The following NCOA7 variants were observed in gnomAD, a reference collection of about 807,000 sequenced individuals.
The protein encoded by NCOA7 is nuclear receptor coactivator 7.
Under a neutral mutation model 104.3 loss-of-function variants are expected in NCOA7, and 45 were observed. The observed-to-expected ratio is 0.43, with a 90% CI of 0.34 to 0.55. The LOEUF is 0.55. Ranked by LOEUF, NCOA7 falls within the 20% of genes least tolerant of loss-of-function variation. The pLI is 0.02. For missense variants in NCOA7, 1,041 were observed against 1,119.7 expected (o/e 0.93, Z 1.00); for synonymous variants, 398 against 402.3 (o/e 0.99, Z 0.13).
rs184200615 is a variant in NCOA7, at chr6:125,850,028, G to A, written c.51-4992G>A. Reference sequence around the variant, plus strand: ...ATCTTAAGTTAATGATAGCAAATCCGTATTGTGAGACTATCTTAACAAGAT... The same window carrying A: ...ATCTTAAGTTAATGATAGCAAATCCATATTGTGAGACTATCTTAACAAGAT... On this transcript the variant is annotated intron_variant, in intron 2 of 15. Transcript: ENST00000392477. 1.0e-3 allele frequency among the ~76,000 whole-genome samples: 156 copies of A among 152,158 alleles called. 1 individual carries two copies. In the South Asian group the frequency reaches 0.014, roughly 13 times the overall value.
intron 4 of NCOA7, 160 bp downstream of exon 4, chr6:125,875,128 A>G: frequency 3.9e-6 from 2 of 517,996 alleles, no homozygotes; most frequent in East Asian, 6.0e-5. Flanking sequence ...TTTCCTCCAT[A>G]TTTTCTCCCT....
intron 15 of NCOA7, 118 bp downstream of exon 15, chr6:125,928,365 C>A: frequency 3.2e-6 from 3 of 935,184 alleles, no homozygotes; most frequent in Non-Finnish European, 3.3e-6. Flanking sequence ...AGTCCATGTG[C>A]TTAGATGAAT....
intron 11 of NCOA7, among the ~76,000 whole-genome samples, chr6:125,918,030 A>G (rs570451518): frequency 1.3e-5 from 2 of 152,166 alleles, no homozygotes; most frequent in South Asian, 4.1e-4. Context: ...GTTAATTTAC[A>G]TTGTCCAGGT....
At chr6:125,892,665 C>A (rs1456388780) in intron 10 of NCOA7, among the ~76,000 whole-genome samples, 1 of 152,122 alleles carries the variant, frequency 6.6e-6, no homozygotes, top group Non-Finnish European at 1.5e-5. Flanking sequence ...CAGAGTAAGA[C>A]TTTGTCACAA....
Position 125,914,485 on chromosome 6 carries a change from T to A in NCOA7, c.2097-848T>A, listed in dbSNP as rs1786876957. Among the ~76,000 whole-genome samples, 3 of 152,252 alleles carry A rather than the reference T, an allele frequency of 2.0e-5. No individual in the cohort carries two copies. In the South Asian group the frequency reaches 6.2e-4, roughly 31 times the overall value. On this transcript the variant is annotated intron_variant, in intron 10 of 15. Coordinates refer to ENST00000392477, the MANE Select transcript of NCOA7 (RefSeq NM_181782.5). The stretch of plus-strand genomic sequence containing the variant: ...TCTGTTTTTGTTTTAGTCCTATTAA[T>A]ATTATTGCAATTTTATGTAATTATA...
intron 1 of NCOA7, among the ~76,000 whole-genome samples, chr6:125,798,943 C>T (rs1217603996): frequency 5.3e-5 from 8 of 152,122 alleles, no homozygotes; most frequent in Admixed American, 1.3e-4. Flanking sequence ...TCTTCACCCA[C>T]GCATCATCTG....
intron 3 of NCOA7, chr6:125,855,667 A>T (rs1781488788): frequency 6.5e-6 from 1 of 153,216 alleles, no homozygotes; most frequent in African/African-American, 2.4e-5. Flanking sequence ...AAAAACAAAA[A>T]CAAACAAAAA....
Position 125,902,481 on chromosome 6 carries a change from G to GTT in NCOA7, c.2096+11684_2096+11685dup, listed in dbSNP as rs77836389. Among the ~76,000 whole-genome samples, 196 of 144,220 alleles carry GTT rather than the reference G, an allele frequency of 1.4e-3. 3 individuals carry two copies. The highest frequency in any genetic ancestry group is 4.7e-3 in the African/African-American group (188 of 39,658). The allele number at this position is 144,220 out of a possible 152,430, so 94.6% of individuals were successfully genotyped here. A position where few individuals can be genotyped will look rare whatever the true frequency, so the allele number is the denominator to read the frequency against. ...TTTTTAAACTTTAACTCATAGCCAT[G>GTT]TTTTTTTTTTTTTTAAAGTGGGGAT... On this transcript the variant is annotated intron_variant, in intron 10 of 15. Coordinates refer to ENST00000392477, the MANE Select transcript of NCOA7 (RefSeq NM_181782.5).
intron 2 of NCOA7, among the ~76,000 whole-genome samples, chr6:125,832,606 A>G (rs1242341673): frequency 6.6e-6 from 1 of 152,242 alleles, no homozygotes; most frequent in East Asian, 1.9e-4. Context: ...GGTTTTAACT[A>G]GTCCCATTTG....
At position 125,879,651 on chromosome 6, in the gene NCOA7, T is replaced by C. The variant is rs370507685; in HGVS notation, c.459+1281T>C. ...ATAACAATATTGATCAGTAATCAGT[T>C]GTTATATGATTAGCTCTGAATTCTG... On this transcript the variant is annotated intron_variant, in intron 5 of 15. Coordinates refer to ENST00000392477, the MANE Select transcript of NCOA7 (RefSeq NM_181782.5). Among the ~76,000 whole-genome samples the C allele has an allele frequency of 3.2e-4, 49 of 152,302 alleles. No homozygotes were observed. In the East Asian group the frequency reaches 4.8e-3, roughly 15 times the overall value.
chr6:125,861,082 A>G (rs1236383221), intron 3 of NCOA7, among the ~76,000 whole-genome samples: 1 of 152,230 alleles, frequency 6.6e-6, no homozygotes, highest in Non-Finnish European at 1.5e-5. Context: ...AGCTTCCAAT[A>G]TAAAATGTGT....
Position 125,889,163 on chromosome 6 carries a change from A to G in NCOA7, c.1109A>G (p.Lys370Arg). 6.2e-7 allele frequency: 1 copy of G among 1,614,146 alleles called. No individual in the cohort carries two copies. Among genetic ancestry groups the G allele is most frequent in the Non-Finnish European group, 8.5e-7 (1 of 1,180,012 alleles). ...TKPSGSSVSE[K>R]LKKLDSSRET... ...CCCTCAGGCAGCTCTGTGTCAGAGA[A>G]ATTAAAGAAACTGGACTCCTCTAGG... The change falls in exon 9 of 16, where the codon AAA becomes AGA. Residue 370 changes from lysine (K) to arginine (R), a missense_variant. Transcript: ENST00000392477.
At chr6:125,865,925 C>A (rs1473289417) in intron 3 of NCOA7, among the ~76,000 whole-genome samples, 1 of 137,240 alleles carries the variant, frequency 7.3e-6, no homozygotes, top group African/African-American at 3.0e-5. Flanking sequence ...TGTCCTCAAG[C>A]AGTCCTCCCA....
rs142987118 is a variant in NCOA7, at chr6:125,909,442, A to G, written c.2097-5891A>G. Among the ~76,000 whole-genome samples, 765 of 152,316 alleles carry G rather than the reference A, an allele frequency of 5.0e-3. 4 individuals carry two copies. Among genetic ancestry groups the G allele is most frequent in the Non-Finnish European group, 9.6e-3 (650 of 68,028 alleles). ...CCTCTAGACAAAGACCAGCAGGAAC[A>G]CACCTGTAATTGAGTAAGTCAGGTT... is the stretch of plus-strand genomic sequence containing the variant. On this transcript the variant is annotated intron_variant, in intron 10 of 15. Transcript: ENST00000392477.
chr6:125,909,210 A>G lies in NCOA7; in HGVS notation c.2097-6123A>G, dbSNP rs144250850. Reference sequence around the variant, plus strand: ...AGGACTTTTTAGTGTGATAGAAAGAACGCTGATTGCCACCTCAGGAGATCT... The same window carrying G: ...AGGACTTTTTAGTGTGATAGAAAGAGCGCTGATTGCCACCTCAGGAGATCT... On this transcript the variant is annotated intron_variant, in intron 10 of 15. Transcript: ENST00000392477. Among the ~76,000 whole-genome samples, 589 of 152,318 alleles carry G rather than the reference A, an allele frequency of 3.9e-3. 8 individuals carry two copies. The highest frequency in any genetic ancestry group is 0.014 in the African/African-American group (568 of 41,566).
intron 2 of NCOA7, among the ~76,000 whole-genome samples, chr6:125,840,921 C>T (rs1385807723): frequency 1.5e-5 from 1 of 64,870 alleles, no homozygotes; most frequent in Non-Finnish European, 2.8e-5. Context: ...GAGACAGAGT[C>T]TCAATCTGTC....
At chr6:125,875,953 C>T (rs955386776) in intron 4 of NCOA7, among the ~76,000 whole-genome samples, 5 of 152,094 alleles carry the variant, frequency 3.3e-5, no homozygotes, top group Admixed American at 1.3e-4. Context: ...TCCTGGAGGC[C>T]GGGAGTTGTA....
intron 10 of NCOA7, among the ~76,000 whole-genome samples, chr6:125,912,213 A>G: frequency 6.6e-6 from 1 of 152,142 alleles, no homozygotes; most frequent in African/African-American, 2.4e-5. Context: ...TGTCACCTGG[A>G]GAGACACAAG....
chr6:125,918,292 C>T (rs1213541258), intron 11 of NCOA7, among the ~76,000 whole-genome samples: 3 of 152,120 alleles, frequency 2.0e-5, no homozygotes, highest in Non-Finnish European at 4.4e-5. Flanking sequence ...TGGCACCCAC[C>T]ATCATATAGG....
Sources: gnomAD v4.1 joint callset for allele counts (sites outside exome capture counted in the v4.1 genomes callset) on GRCh38, gnomAD v4.1.1 for gene constraint, MANE v1.5 for transcripts, NCBI Gene and HGNC (gene_info 2026-07-23, HGNC 2026-07-21) for gene names.